Variants in RPIA observed in about 807,000 individuals in gnomAD.
The protein encoded by RPIA is ribose-5-phosphate isomerase.
In RPIA, 29 loss-of-function variants were observed where a neutral mutation model predicts 37.8. That is an observed-to-expected ratio of 0.77 (90% CI 0.57 to 1.05). The LOEUF is 1.05. Ranked by LOEUF, RPIA falls within the 50% of genes least tolerant of loss-of-function variation. The pLI is 0.00. For missense variants in RPIA, 385 were observed against 413.6 expected, an observed-to-expected ratio of 0.93 and a Z score of 0.60; for synonymous variants, 167 against 157.0, an observed-to-expected ratio of 1.06 and a Z score of -0.48.
At chr2:88,723,388 C>T (rs531382711) in intron 3 of RPIA, among the ~76,000 whole-genome samples, 3 of 152,142 alleles carry the variant, frequency 2.0e-5, no homozygotes, top group Non-Finnish European at 4.4e-5. Flanking sequence ...AAAGGAGTTA[C>T]CTGCCTTCCA....
rs774512685 is a variant in RPIA, at chr2:88,691,685, A to C, written c.-14A>C. The C allele has an allele frequency of 2.6e-6, 4 of 1,568,534 alleles. No homozygotes were observed. In the Admixed American group the frequency reaches 7.3e-5, roughly 28 times the overall value. On this transcript the variant is annotated 5_prime_UTR_variant, in exon 1 of 9. Coordinates refer to ENST00000283646, the MANE Select transcript of RPIA (RefSeq NM_144563.3). ...GGGGCGGGACTTCAGCGGAGGCCGGAGCGAGGCGTCGGGATGCAGCGCCCC... is the reference window on the plus strand; with the variant it reads ...GGGGCGGGACTTCAGCGGAGGCCGGCGCGAGGCGTCGGGATGCAGCGCCCC...
chr2:88,737,670 G>C (rs1414447148), intron 7 of RPIA, among the ~76,000 whole-genome samples: 1 of 152,152 alleles, frequency 6.6e-6, no homozygotes, highest in African/African-American at 2.4e-5. Flanking sequence ...AAATCAGATA[G>C]GAATGTGGTG....
In RPIA at chr2:88,734,596, C is replaced by T. The variant is rs375018729; in HGVS notation, c.507C>T (p.Leu169=). 11 of 1,614,030 alleles carry T rather than the reference C, an allele frequency of 6.8e-6. No homozygotes were observed. Among genetic ancestry groups the T allele is most frequent in the Non-Finnish European group, 9.3e-6 (11 of 1,180,024 alleles). Residue 169 remains leucine, a synonymous_variant, in exon 5 of 9, where the codon CTC becomes CTT. Transcript: ENST00000283646. ...IDGADEVDAD[L]NLIKGGGGCL... ...GTGCTGATGAAGTAGATGCTGATCTCAATCTCATCAAGGGTGGCGGGTGAG... is the reference window on the plus strand; with the variant it reads ...GTGCTGATGAAGTAGATGCTGATCTTAATCTCATCAAGGGTGGCGGGTGAG...
At chr2:88,698,651 C>A in intron 2 of RPIA, 107 bp downstream of exon 2, 1 of 981,554 alleles carries the variant, frequency 1.0e-6, no homozygotes, top group Non-Finnish European at 1.7e-6. Flanking sequence ...CTTTTGGCTT[C>A]AGCAGTACAG....
chr2:88,716,004 C>T (rs558507269), intron 3 of RPIA, among the ~76,000 whole-genome samples: 2 of 152,124 alleles, frequency 1.3e-5, no homozygotes, highest in Non-Finnish European at 2.9e-5. Flanking sequence ...TAAAAAGCTA[C>T]ATACCTCCCT....
intron 3 of RPIA, among the ~76,000 whole-genome samples, chr2:88,720,988 G>A (rs998586445): frequency 4.6e-5 from 7 of 152,078 alleles, no homozygotes; most frequent in Non-Finnish European, 1.0e-4. Context: ...ATAATAGACT[G>A]GATAAAGAAA....
At chr2:88,721,921 C>T (rs934254484) in intron 3 of RPIA, among the ~76,000 whole-genome samples, 1 of 150,626 alleles carries the variant, frequency 6.6e-6, no homozygotes, top group Non-Finnish European at 1.5e-5. Context: ...CAAACCCAAT[C>T]TCCAGAAAGA....
intron 5 of RPIA, 105 bp downstream of exon 5, chr2:88,734,721 T>G (rs759996253): frequency 6.6e-6 from 8 of 1,206,870 alleles, no homozygotes; most frequent in Non-Finnish European, 9.8e-6. Flanking sequence ...CATATGCAAG[T>G]TTGTCTTTCT....
At chr2:88,743,568 A>T (rs1030543647) in intron 8 of RPIA, among the ~76,000 whole-genome samples, 2 of 142,730 alleles carry the variant, frequency 1.4e-5, no homozygotes, top group African/African-American at 4.9e-5. Context: ...TTTAGAGAGG[A>T]TTCCCTTTTT....
At chr2:88,728,988 T>A (rs1673231101) in intron 3 of RPIA, among the ~76,000 whole-genome samples, 1 of 152,222 alleles carries the variant, frequency 6.6e-6, no homozygotes. Context: ...TGCCAGAAGC[T>A]TTAGGATGCC....
intron 8 of RPIA, among the ~76,000 whole-genome samples, chr2:88,741,706 A>G (rs1673385321): frequency 6.6e-6 from 1 of 152,234 alleles, no homozygotes; most frequent in African/African-American, 2.4e-5. Flanking sequence ...GCAGTGTGAA[A>G]GTATTCCCTT....
At position 88,734,634 on chromosome 2, in the gene RPIA, T is replaced by A; in HGVS notation, c.527+18T>A. The A allele has an allele frequency of 6.2e-7, 1 of 1,613,486 alleles. No homozygotes were observed. Among genetic ancestry groups the A allele is most frequent in the Middle Eastern group, 1.6e-4 (1 of 6,062 alleles). On this transcript the variant is annotated intron_variant, in intron 5 of 8. Transcript: ENST00000283646. ...GGTGGCGGGTGAGTGTTGTGGGGGCTTCTGTGCTAAAGAGTATCTGCCAGT... is the reference window on the plus strand; with the variant it reads ...GGTGGCGGGTGAGTGTTGTGGGGGCATCTGTGCTAAAGAGTATCTGCCAGT...
chr2:88,741,348 A>C (rs1573479072), intron 8 of RPIA, among the ~76,000 whole-genome samples: 1 of 152,252 alleles, frequency 6.6e-6, no homozygotes, highest in South Asian at 2.1e-4. Context: ...ACTTAGAATT[A>C]TGGTCTCCAA....
chr2:88,694,221 G>A (rs1676982225), intron 1 of RPIA, among the ~76,000 whole-genome samples: 1 of 152,226 alleles, frequency 6.6e-6, no homozygotes, highest in Admixed American at 6.5e-5. Flanking sequence ...TTTGGCAAGG[G>A]CACTGATTTC....
chr2:88,747,834 T>G (rs929038995), intron 8 of RPIA, among the ~76,000 whole-genome samples: 1 of 152,214 alleles, frequency 6.6e-6, no homozygotes, highest in Non-Finnish European at 1.5e-5. Context: ...TTATGGAGTT[T>G]GCAGCAGCAA....
At chr2:88,712,184 A>G (rs747385308) in intron 3 of RPIA, among the ~76,000 whole-genome samples, 4 of 152,202 alleles carry the variant, frequency 2.6e-5, no homozygotes, top group Admixed American at 6.5e-5. Context: ...TTGGTTTACA[A>G]TGAATATAGG....
chr2:88,693,304 G>A (rs1464965973), intron 1 of RPIA, among the ~76,000 whole-genome samples: 2 of 152,190 alleles, frequency 1.3e-5, no homozygotes, highest in African/African-American at 4.8e-5. Flanking sequence ...ATAAAAATCT[G>A]CAAGCCCTGA....
At chr2:88,729,465 C>T in intron 4 of RPIA, 128 bp downstream of exon 4, 1 of 919,632 alleles carries the variant, frequency 1.1e-6, no homozygotes, top group Admixed American at 2.0e-5. Context: ...ACCAAGTTTT[C>T]TCCTGGGACC....
At chr2:88,737,792 G>T (rs1449744945) in intron 7 of RPIA, among the ~76,000 whole-genome samples, 185 bp from the exon 8 acceptor site, 1 of 148,932 alleles carries the variant, frequency 6.7e-6, no homozygotes, top group Non-Finnish European at 1.5e-5. Flanking sequence ...AAAAAAAAAA[G>T]ACTACAATCT....
Sources: allele counts gnomAD v4.1 joint callset (sites outside exome capture counted in the v4.1 genomes callset), GRCh38; gene constraint gnomAD v4.1.1; transcripts MANE v1.5; gene names NCBI Gene and HGNC (gene_info 2026-07-23, HGNC 2026-07-21).